The following MYO5B variants were observed in gnomAD, a reference collection of about 807,000 sequenced individuals.
MYO5B encodes the protein unconventional myosin-Vb.
MYO5B carries 143 observed loss-of-function variants against 229.3 expected under a neutral mutation model. The ratio of observed to expected loss-of-function variants is 0.62; its 90% CI spans 0.54 to 0.72. The LOEUF is 0.72. Ranked by LOEUF, MYO5B falls within the 30% of genes least tolerant of loss-of-function variation. The pLI, the probability that MYO5B is intolerant of heterozygous loss-of-function variation, is 0.00. For missense variants in MYO5B, 2,321 were observed against 2,331.0 expected (o/e 1.00, Z 0.09); for synonymous variants, 918 against 885.2 (o/e 1.04, Z -0.66).
intron 1 of MYO5B, among the ~76,000 whole-genome samples, chr18:50,147,321 G>C (rs935660151): frequency 3.3e-5 from 5 of 152,012 alleles, no homozygotes; most frequent in Non-Finnish European, 5.9e-5. Flanking sequence ...GGTCTTTCTG[G>C]AACCTCTCTC....
chr18:49,984,684 C>T (rs758736509), intron 8 of MYO5B, 34 bp downstream of exon 8: 12 of 1,517,714 alleles, frequency 7.9e-6, no homozygotes, highest in South Asian at 2.2e-5. Flanking sequence ...CATCAGCCCT[C>T]GGGGCCTGCT....
At chr18:49,912,968 C>T (rs894206470) in intron 17 of MYO5B, among the ~76,000 whole-genome samples, 4 of 152,232 alleles carry the variant, frequency 2.6e-5, no homozygotes, top group African/African-American at 4.8e-5. Context: ...AACAAGTGGC[C>T]GTATCCTAAC....
chr18:49,989,931 C>T (rs1467639027), intron 7 of MYO5B, among the ~76,000 whole-genome samples: 1 of 152,202 alleles, frequency 6.6e-6, no homozygotes, highest in Non-Finnish European at 1.5e-5. Context: ...TCTCACATGC[C>T]AGAGCCCCCT....
intron 2 of MYO5B, among the ~76,000 whole-genome samples, chr18:50,049,515 G>A (rs2030334067): frequency 2.0e-5 from 3 of 152,200 alleles, no homozygotes; most frequent in Admixed American, 1.3e-4. Flanking sequence ...CTCCTAACTT[G>A]GTGTACTCCA....
chr18:50,194,028 G>A (rs1235180639), intron 1 of MYO5B, among the ~76,000 whole-genome samples: 3 of 152,146 alleles, frequency 2.0e-5, no homozygotes, highest in Non-Finnish European at 4.4e-5. Context: ...CTCCCGGTTC[G>A]ACTTTACTCC....
chr18:50,095,093 G>T (rs1376403066), intron 1 of MYO5B, among the ~76,000 whole-genome samples: 2 of 152,222 alleles, frequency 1.3e-5, no homozygotes, highest in Non-Finnish European at 2.9e-5. Context: ...ACCCCACAAA[G>T]TGCTGGGATT....
At chr18:50,072,723 A>G (rs16951446) in intron 1 of MYO5B, among the ~76,000 whole-genome samples, 14,159 of 152,252 alleles carry the variant, frequency 0.093, 1,215 homozygotes, top group African/African-American at 0.23. Context: ...CATCAATGGA[A>G]AGTAAGCAGC....
chr18:50,129,468 G>T (rs1484926145), intron 1 of MYO5B, among the ~76,000 whole-genome samples: 2 of 152,190 alleles, frequency 1.3e-5, no homozygotes, highest in Admixed American at 1.3e-4. Context: ...CTCTTGTCCA[G>T]CATTCTGATT....
At chr18:49,830,974 A>AG (rs1003904483) in intron 39 of MYO5B, among the ~76,000 whole-genome samples, 2 of 142,776 alleles carry the variant, frequency 1.4e-5, no homozygotes, top group African/African-American at 4.9e-5. Context: ...ATAAGGGCCC[A>AG]GAAAAAAAAA....
chr18:49,916,644 G>T (rs1183979145), intron 17 of MYO5B, among the ~76,000 whole-genome samples: 1 of 152,170 alleles, frequency 6.6e-6, no homozygotes, highest in Non-Finnish European at 1.5e-5. Context: ...GCCAGCTCCT[G>T]TGTGAAGGCA....
Position 49,962,527 on chromosome 18 carries a change from G to A in MYO5B, c.1405-121C>T, listed in dbSNP as rs1481317093. ...GCAGAGAACTGCCAGATAAGGTTTG[G>A]ATGCTAAGTCATAGTTATGACTGCA... On this transcript the variant is annotated intron_variant, in intron 11 of 39. Coordinates refer to ENST00000285039, the MANE Select transcript of MYO5B (RefSeq NM_001080467.3). 8.8e-6 allele frequency: 12 copies of A among 1,370,064 alleles called. No individual in the cohort carries two copies. The East Asian group carries it at 2.9e-4, about 33-fold the overall frequency. The allele number at this position is 1,370,064 out of a possible 1,614,324, so 84.9% of individuals were successfully genotyped here. A position where few individuals can be genotyped will look rare whatever the true frequency, so the allele number is the denominator to read the frequency against.
At chr18:50,111,362 A>T (rs1274899393) in intron 1 of MYO5B, among the ~76,000 whole-genome samples, 1 of 152,280 alleles carries the variant, frequency 6.6e-6, no homozygotes, top group East Asian at 1.9e-4. Flanking sequence ...GGCACTGAAT[A>T]GTAAATTATT....
chr18:49,867,362 T>C (rs930394097), intron 27 of MYO5B, among the ~76,000 whole-genome samples: 2 of 152,144 alleles, frequency 1.3e-5, no homozygotes, highest in Admixed American at 6.5e-5. Flanking sequence ...TGTGTGCAGC[T>C]GTAGTCCCCA....
intron 4 of MYO5B, among the ~76,000 whole-genome samples, chr18:50,010,411 C>A (rs2026149306): frequency 6.6e-6 from 1 of 152,170 alleles, no homozygotes; most frequent in Non-Finnish European, 1.5e-5. Context: ...GGCAGACAGG[C>A]CAGACAGAGG....
Position 50,001,311 on chromosome 18 carries a change from AG to A in MYO5B, c.555del (p.Ser186ArgfsTer54). 1 of 1,614,194 alleles carries A rather than the reference AG, an allele frequency of 6.2e-7. No homozygotes were observed. Among genetic ancestry groups the A allele is most frequent in the Non-Finnish European group, 8.5e-7 (1 of 1,180,018 alleles). ...YAMRYFATVGGSASETNIEEK... is the reference protein window; with the variant it reads ...YAMRYFATVGXSASETNIEEK... The stretch of plus-strand genomic sequence containing the variant: ...TCTTCGATGTTGGTTTCACTGGCCG[AG>A]CCACCAACGGTGGCGAAATAGCGCA... On this transcript the variant is annotated frameshift_variant, in exon 5 of 40. Coordinates refer to ENST00000285039, the MANE Select transcript of MYO5B (RefSeq NM_001080467.3). LOFTEE classifies it high-confidence loss of function.
intron 23 of MYO5B, 91 bp downstream of exon 23, chr18:49,880,280 C>G (rs1393023949): frequency 9.2e-7 from 1 of 1,091,320 alleles, no homozygotes; most frequent in Non-Finnish European, 1.4e-6. Flanking sequence ...AGCCTCTAGT[C>G]TAACTGCATG....
chr18:50,194,722 C>A (rs1036014613), intron 1 of MYO5B, 45 bp downstream of exon 1: 3 of 1,373,420 alleles, frequency 2.2e-6, no homozygotes, highest in Non-Finnish European at 2.0e-6. Flanking sequence ...TGGCCCCGAG[C>A]GCGCCACCCC....
intron 8 of MYO5B, 70 bp from the exon 9 acceptor site, chr18:49,980,623 T>A: frequency 8.5e-7 from 1 of 1,171,650 alleles, no homozygotes; most frequent in Non-Finnish European, 1.3e-6. Context: ...TTACCCCTTT[T>A]AAGGACATTT....
At chr18:49,831,773 T>G (rs2023925624) in intron 39 of MYO5B, among the ~76,000 whole-genome samples, 1 of 152,114 alleles carries the variant, frequency 6.6e-6, no homozygotes, top group Non-Finnish European at 1.5e-5. Flanking sequence ...CCCAAAGAAC[T>G]GAAAAATTGA....
Sources: allele counts gnomAD v4.1 joint callset (sites outside exome capture counted in the v4.1 genomes callset), GRCh38; gene constraint gnomAD v4.1.1; transcripts MANE v1.5; gene names NCBI Gene and HGNC (gene_info 2026-07-23, HGNC 2026-07-21).